The following PRR19 variants were observed in gnomAD, a reference collection of about 807,000 sequenced individuals.
The protein encoded by PRR19 is proline rich 19.
In PRR19, 9 loss-of-function variants were observed where a neutral mutation model predicts 19.2. The observed-to-expected ratio is 0.47, with a 90% CI of 0.28 to 0.82. The LOEUF (loss-of-function observed/expected upper bound fraction) is 0.82. Ranked by LOEUF, PRR19 falls within the 40% of genes least tolerant of loss-of-function variation. The pLI is 0.11. For synonymous variants in PRR19, 190 were observed against 191.0 expected (o/e 0.99, Z 0.04); for missense variants, 457 against 466.0 (o/e 0.98, Z 0.18).
Position 42,309,891 on chromosome 19 carries a change from C to T in PRR19, c.307C>T (p.Pro103Ser). ...GTLVPGSPTLPAKPSPSPGRA... is the reference protein window; with the variant it reads ...GTLVPGSPTLSAKPSPSPGRA... ...CCTGGTGCCAGGCAGCCCCACACTC[C>T]CCGCCAAGCCCTCCCCAAGCCCAGG... The change falls in exon 2 of 3, where the codon CCC becomes TCC. Residue 103 changes from proline (P) to serine (S), a missense_variant. By Grantham distance (74) the Pro-to-Ser change is moderately conservative. Transcript: ENST00000341747. 1 of 1,614,020 alleles carries T rather than the reference C, an allele frequency of 6.2e-7. No individual in the cohort carries two copies. The highest frequency in any genetic ancestry group is 8.5e-7 in the Non-Finnish European group (1 of 1,180,008).
In PRR19 at chr19:42,310,743, A is replaced by T. The variant is rs759338310; in HGVS notation, c.*3A>T. The T allele has an allele frequency of 1.7e-5, 25 of 1,515,136 alleles. No homozygotes were observed. Among genetic ancestry groups the T allele is most frequent in the Non-Finnish European group, 2.2e-5 (25 of 1,128,198 alleles). The allele number at this position is 1,515,136 out of a possible 1,614,324, so 93.9% of individuals were successfully genotyped here. A position where few individuals can be genotyped will look rare whatever the true frequency, so the allele number is the denominator to read the frequency against. On this transcript the variant is annotated 3_prime_UTR_variant, in exon 3 of 3. Coordinates refer to ENST00000341747, the MANE Select transcript of PRR19 (RefSeq NM_199285.3). ...TTCCACCCATGAGACTGTACTGAGG[A>T]GAGGCTGAGGCTAGGGCTGGGGACA...
chr19:42,304,506 A>C (rs1002281246), intron 1 of PRR19, among the ~76,000 whole-genome samples: 4 of 151,192 alleles, frequency 2.6e-5, no homozygotes, highest in African/African-American at 9.7e-5. Context: ...TAATCCCAGC[A>C]CTTTGGGAGG....
Position 42,309,872 on chromosome 19 carries a change from G to T in PRR19, c.288G>T (p.Val96=). ...VARLLSSGTL[V]PGSPTLPAKP... is the part of the protein sequence containing the mutation. ...GGCTGCTTAGCAGTGGGACCCTGGT[G>T]CCAGGCAGCCCCACACTCCCCGCCA... Residue 96 remains valine (V), a synonymous_variant, in exon 2 of 3, where the codon GTG becomes GTT. Transcript: ENST00000341747. 2.5e-6 allele frequency: 4 copies of T among 1,613,962 alleles called. No homozygotes were observed. Among genetic ancestry groups the T allele is most frequent in the Non-Finnish European group, 3.4e-6 (4 of 1,180,012 alleles).
Position 42,302,162 on chromosome 19 carries a change from G to T in PRR19, c.-348G>T. The stretch of plus-strand genomic sequence containing the variant: ...CCCAATCAGGTAGTGAGAGTGGCAC[G>T]AACCAGCCGTTCTCCTGAGCCACCC... On this transcript the variant is annotated 5_prime_UTR_variant, in exon 1 of 3. Coordinates refer to ENST00000341747, the MANE Select transcript of PRR19 (RefSeq NM_199285.3). The T allele has an allele frequency of 6.7e-7, 1 of 1,502,498 alleles. No homozygotes were observed. Among genetic ancestry groups the T allele is most frequent in the Non-Finnish European group, 9.1e-7 (1 of 1,104,696 alleles). 93.1% of individuals were successfully genotyped at this position (1,502,498 alleles called of 1,614,324 possible).
At chr19:42,308,791 C>T (rs1035114574) in intron 1 of PRR19, 1 of 152,116 alleles carries the variant, frequency 6.6e-6, no homozygotes, top group African/African-American at 2.4e-5. Flanking sequence ...TCAAGCGATA[C>T]TCCCGCCTCA....
At chr19:42,304,802 G>A (rs1189435777) in intron 1 of PRR19, among the ~76,000 whole-genome samples, 2 of 151,860 alleles carry the variant, frequency 1.3e-5, no homozygotes, top group Admixed American at 1.3e-4. Flanking sequence ...CAGTTAGTTG[G>A]GAGGCTGAGG....
Position 42,302,179 on chromosome 19 carries a change from G to T in PRR19, c.-331G>T. The T allele has an allele frequency of 6.5e-7, 1 of 1,529,118 alleles. No individual in the cohort carries two copies. The allele number at this position is 1,529,118 out of a possible 1,614,324, so 94.7% of individuals were successfully genotyped here. On this transcript the variant is annotated 5_prime_UTR_variant, in exon 1 of 3. Transcript: ENST00000341747. ...AGTGGCACGAACCAGCCGTTCTCCTGAGCCACCCCCCGCGCCCCCGGACTC... is the reference window on the plus strand; with the variant it reads ...AGTGGCACGAACCAGCCGTTCTCCTTAGCCACCCCCCGCGCCCCCGGACTC...
At position 42,302,342 on chromosome 19, in the gene PRR19, T is replaced by G. The variant is rs761868222; in HGVS notation, c.-168T>G. On this transcript the variant is annotated 5_prime_UTR_variant, in exon 1 of 3. Transcript: ENST00000341747. ...CCGCAGCTCCTGCAGGATGAGCGAG[T>G]CGGGTCGGCCCGGGAGTGTTCCGAA... 6 of 1,562,518 alleles carry G rather than the reference T, an allele frequency of 3.8e-6. No individual in the cohort carries two copies. In the African/African-American group the frequency reaches 8.1e-5, roughly 21 times the overall value.
At chr19:42,307,563 A>G (rs912557692) in intron 1 of PRR19, among the ~76,000 whole-genome samples, 3 of 148,122 alleles carry the variant, frequency 2.0e-5, no homozygotes, top group Non-Finnish European at 3.0e-5. Context: ...AGCCTCTTTG[A>G]GTAGGTGAGA....
intron 1 of PRR19, among the ~76,000 whole-genome samples, chr19:42,308,003 C>G (rs371389965): frequency 1.1e-4 from 17 of 151,610 alleles, no homozygotes; most frequent in African/African-American, 4.1e-4. Context: ...GTGATCCGCC[C>G]GCCTCGGCCT....
At chr19:42,304,940 G>A (rs2038692706) in intron 1 of PRR19, among the ~76,000 whole-genome samples, 1 of 151,190 alleles carries the variant, frequency 6.6e-6, no homozygotes. Flanking sequence ...AGGCACGGTG[G>A]CTCACTCCTA....
rs370952874 is a variant in PRR19 at position 42,310,204 on chromosome 19, C to T, written c.601+19C>T. The T allele has an allele frequency of 9.3e-6, 15 of 1,613,814 alleles. No homozygotes were observed. The African/African-American group carries it at 1.7e-4, about 19-fold the overall frequency. Reference sequence around the variant, plus strand: ...TTGCCAGGTGAGCGTCCCTCCTGCCCCTGTACTCCCCTTTCCTTTGTCGGC... The same window carrying T: ...TTGCCAGGTGAGCGTCCCTCCTGCCTCTGTACTCCCCTTTCCTTTGTCGGC... On this transcript the variant is annotated intron_variant, in intron 2 of 2. Transcript: ENST00000341747.
At position 42,310,515 on chromosome 19, in the gene PRR19, G is replaced by A. The variant is rs145903377; in HGVS notation, c.846G>A (p.Ala282=). The A allele has an allele frequency of 5.1e-5, 82 of 1,614,168 alleles. No homozygotes were observed. In the African/African-American group the frequency reaches 7.1e-4, roughly 14 times the overall value. Residue 282 remains alanine, a synonymous_variant, in exon 3 of 3, where the codon GCG becomes GCA. Coordinates refer to ENST00000341747, the MANE Select transcript of PRR19 (RefSeq NM_199285.3). ...GAACAGCCTGGGGTCCCCCAACAGC[G>A]TTTGACTTGTTAAAAAGCATCTGGC... is the stretch of plus-strand genomic sequence containing the variant. ...PSGTAWGPPT[A]FDLLKSIWLV...
At chr19:42,307,519 T>A (rs1009802051) in intron 1 of PRR19, among the ~76,000 whole-genome samples, 2 of 151,626 alleles carry the variant, frequency 1.3e-5, no homozygotes, top group African/African-American at 4.9e-5. Context: ...CACTGCAACC[T>A]CCGCCTCCCG....
In PRR19 at chr19:42,310,640, A is replaced by G; in HGVS notation, c.971A>G (p.Asp324Gly). Residue 324 changes from aspartate (D) to glycine (G), a missense_variant, in exon 3 of 3, where the codon GAC (aspartate) becomes GGC (glycine). Coordinates refer to ENST00000341747, the MANE Select transcript of PRR19 (RefSeq NM_199285.3). ...SPLLPRTSVLDWSPSPPSPLP... is the reference protein window; with the variant it reads ...SPLLPRTSVLGWSPSPPSPLP... The stretch of plus-strand genomic sequence containing the variant: ...CTGTTGCCCCGAACCTCTGTCCTGG[A>G]CTGGAGCCCCAGCCCCCCTTCCCCA... The G allele has an allele frequency of 6.2e-6, 10 of 1,613,252 alleles. No individual in the cohort carries two copies. The highest frequency in any genetic ancestry group is 7.6e-6 in the Non-Finnish European group (9 of 1,179,586).
At position 42,310,649 on chromosome 19, in the gene PRR19, C is replaced by G; in HGVS notation, c.980C>G (p.Pro327Arg). Reference sequence around the variant, plus strand: ...CGAACCTCTGTCCTGGACTGGAGCCCCAGCCCCCCTTCCCCACTGCCCAGC... The same window carrying G: ...CGAACCTCTGTCCTGGACTGGAGCCGCAGCCCCCCTTCCCCACTGCCCAGC... Reference protein sequence around the residue: ...LPRTSVLDWSPSPPSPLPSLS... With the variant: ...LPRTSVLDWSRSPPSPLPSLS... Residue 327 changes from proline (P) to arginine (R), a missense_variant, in exon 3 of 3, where the codon CCC becomes CGC. Transcript: ENST00000341747. 6.2e-7 allele frequency: 1 copy of G among 1,612,818 alleles called. No individual in the cohort carries two copies. Among genetic ancestry groups the G allele is most frequent in the Non-Finnish European group, 8.5e-7 (1 of 1,179,394 alleles).
intron 1 of PRR19, among the ~76,000 whole-genome samples, chr19:42,304,476 G>A (rs2147393060): frequency 6.6e-6 from 1 of 150,706 alleles, no homozygotes; most frequent in South Asian, 2.1e-4. Flanking sequence ...AAAAAGGCTG[G>A]GCGCGGTGGC....
intron 1 of PRR19, 110 bp downstream of exon 1, chr19:42,302,613 G>C (rs759788049): frequency 1.2e-4 from 47 of 382,158 alleles, no homozygotes; most frequent in East Asian, 8.9e-4. Flanking sequence ...GGCACGGGGT[G>C]GGGGGAGGGA....
rs1198942944 is a variant in PRR19 at position 42,302,340 on chromosome 19, A to G, written c.-170A>G. 6.4e-6 allele frequency: 10 copies of G among 1,566,416 alleles called. No homozygotes were observed. Among genetic ancestry groups the G allele is most frequent in the Non-Finnish European group, 8.6e-6 (10 of 1,157,852 alleles). On this transcript the variant is annotated 5_prime_UTR_variant, in exon 1 of 3. Coordinates refer to ENST00000341747, the MANE Select transcript of PRR19 (RefSeq NM_199285.3). The stretch of plus-strand genomic sequence containing the variant: ...CGCCGCAGCTCCTGCAGGATGAGCG[A>G]GTCGGGTCGGCCCGGGAGTGTTCCG...
Sources: gnomAD v4.1 joint callset for allele counts (sites outside exome capture counted in the v4.1 genomes callset) on GRCh38, gnomAD v4.1.1 for gene constraint, MANE v1.5 for transcripts, NCBI Gene and HGNC (gene_info 2026-07-23, HGNC 2026-07-21) for gene names.